The following ADK variants were observed in gnomAD, a reference collection of about 807,000 sequenced individuals.
ADK encodes adenosine kinase, also known as N6,N6-dimethyladenosine kinase.
ADK carries 24 observed loss-of-function variants against 44.7 expected under a neutral mutation model. The observed-to-expected ratio is 0.54, with a 90% confidence interval of 0.39 to 0.76. ADK has a LOEUF of 0.76. Ranked by LOEUF, ADK falls within the 30% of genes least tolerant of loss-of-function variation. The pLI is 0.00. For missense variants in ADK, 321 were observed against 425.1 expected (o/e 0.76, Z 2.15); for synonymous variants, 128 against 142.6 (o/e 0.90, Z 0.73).
chr10:74,508,717 C>CT (rs888958926), intron 6 of ADK, among the ~76,000 whole-genome samples: 2 of 152,080 alleles, frequency 1.3e-5, no homozygotes, highest in African/African-American at 4.8e-5. Flanking sequence ...TAGTTTCTCT[C>CT]TTTTTTTATT....
chr10:74,208,164 G>T (rs1843672584), intron 2 of ADK, among the ~76,000 whole-genome samples: 1 of 152,250 alleles, frequency 6.6e-6, no homozygotes, highest in African/African-American at 2.4e-5. Context: ...GAGTCTGCAG[G>T]GGAAAGGGGG....
At chr10:74,568,534 C>G (rs1850783657) in intron 7 of ADK, among the ~76,000 whole-genome samples, 1 of 151,530 alleles carries the variant, frequency 6.6e-6, no homozygotes, top group Admixed American at 6.6e-5. Context: ...GTCCACAGTG[C>G]AAAGCAAAAG....
intron 9 of ADK, among the ~76,000 whole-genome samples, chr10:74,623,720 C>CATATAT (rs149098919): frequency 5.4e-5 from 8 of 148,266 alleles, no homozygotes; most frequent in African/African-American, 1.7e-4. Context: ...GTATTCTAGG[C>CATATAT]ATATATATAT....
intron 3 of ADK, among the ~76,000 whole-genome samples, chr10:74,275,312 G>A (rs904116579): frequency 4.6e-5 from 7 of 152,150 alleles, no homozygotes; most frequent in African/African-American, 7.2e-5. Context: ...CTGCGCTGGG[G>A]TGGGGGACAC....
chr10:74,230,046 C>CTT (rs5786138), intron 3 of ADK, among the ~76,000 whole-genome samples: 6 of 116,184 alleles, frequency 5.2e-5, no homozygotes, highest in South Asian at 2.8e-4. Context: ...TTAAAAGAAT[C>CTT]TTTTTTTTTT....
At chr10:74,374,512 A>G (rs1020144258) in intron 4 of ADK, among the ~76,000 whole-genome samples, 2 of 152,138 alleles carry the variant, frequency 1.3e-5, no homozygotes, top group African/African-American at 4.8e-5. Context: ...ACTGGTGGAT[A>G]TGAGTTTTAC....
In ADK at chr10:74,569,527, A is replaced by G. The variant is rs1379245466; in HGVS notation, c.727-19755A>G. ...TTGATTTGCATTTCTCTGATGGCCA[A>G]TGATGATGAGCATTTTTTCATGTGT... is the stretch of plus-strand genomic sequence containing the variant. On this transcript the variant is annotated intron_variant, in intron 7 of 10. Transcript: ENST00000539909. Among the ~76,000 whole-genome samples the G allele has an allele frequency of 6.6e-5, 10 of 152,298 alleles. No homozygotes were observed. The East Asian group carries it at 7.7e-4, about 12-fold the overall frequency.
At chr10:74,206,863 T>C (rs1276392654) in intron 2 of ADK, among the ~76,000 whole-genome samples, 1 of 152,170 alleles carries the variant, frequency 6.6e-6, no homozygotes, top group Admixed American at 6.5e-5. Context: ...GGTGTCGCTT[T>C]TCCAGCCAGA....
intron 1 of ADK, among the ~76,000 whole-genome samples, chr10:74,191,472 G>A (rs1409062393): frequency 6.6e-6 from 1 of 151,806 alleles, no homozygotes; most frequent in African/African-American, 2.4e-5. Context: ...GGCTGGTCTC[G>A]AACTCTTGGG....
At chr10:74,666,091 A>G (rs755021997) in intron 9 of ADK, among the ~76,000 whole-genome samples, 2 of 152,228 alleles carry the variant, frequency 1.3e-5, no homozygotes, top group African/African-American at 4.8e-5. Context: ...TTATTGTTCA[A>G]TTAGATATTG....
chr10:74,482,387 A>G (rs981056428), intron 6 of ADK, among the ~76,000 whole-genome samples: 2 of 152,192 alleles, frequency 1.3e-5, no homozygotes, highest in Non-Finnish European at 2.9e-5. Context: ...TCATGATCCA[A>G]TCATCTCCCA....
intron 2 of ADK, among the ~76,000 whole-genome samples, chr10:74,208,446 A>G (rs1191521814): frequency 6.6e-6 from 1 of 152,218 alleles, no homozygotes; most frequent in Non-Finnish European, 1.5e-5. Context: ...TTTGTTTTAC[A>G]TGTTTTACTA....
At chr10:74,526,580 G>A (rs1849051255) in intron 7 of ADK, among the ~76,000 whole-genome samples, 2 of 152,078 alleles carry the variant, frequency 1.3e-5, no homozygotes, top group Admixed American at 1.3e-4. Flanking sequence ...ACTGCCATCT[G>A]CCTAGAATAA....
intron 10 of ADK, among the ~76,000 whole-genome samples, chr10:74,684,634 T>A (rs978403859): frequency 6.6e-6 from 1 of 152,138 alleles, no homozygotes; most frequent in African/African-American, 2.4e-5. Context: ...TAGCCGGGCA[T>A]GGTGGTGCAC....
intron 9 of ADK, 33 bp from the exon 10 acceptor site, chr10:74,670,150 A>G (rs746264497): frequency 4.6e-6 from 7 of 1,532,734 alleles, no homozygotes; most frequent in Non-Finnish European, 6.3e-6. Flanking sequence ...TACAAAGAGA[A>G]GTCATTCTGC....
intron 6 of ADK, among the ~76,000 whole-genome samples, chr10:74,428,700 G>T (rs555015292): frequency 6.6e-6 from 1 of 152,286 alleles, no homozygotes; most frequent in Non-Finnish European, 1.5e-5. Flanking sequence ...AATCATCAAT[G>T]GTTGTAACAT....
intron 3 of ADK, among the ~76,000 whole-genome samples, chr10:74,313,844 T>C (rs1005215217): frequency 1.3e-5 from 2 of 152,032 alleles, no homozygotes; most frequent in African/African-American, 4.8e-5. Context: ...TAATTTCTTA[T>C]ATTTTCTATC....
At chr10:74,454,596 A>G (rs1845878321) in intron 6 of ADK, among the ~76,000 whole-genome samples, 1 of 152,118 alleles carries the variant, frequency 6.6e-6, no homozygotes, top group Non-Finnish European at 1.5e-5. Flanking sequence ...GAGAGGAAAA[A>G]AAATATCTTT....
intron 9 of ADK, among the ~76,000 whole-genome samples, chr10:74,625,872 T>C (rs1243146134): frequency 6.6e-6 from 1 of 152,162 alleles, no homozygotes; most frequent in Non-Finnish European, 1.5e-5. Context: ...GAATTACCAC[T>C]AGATGGGATT....
Sources: allele counts gnomAD v4.1 joint callset (sites outside exome capture counted in the v4.1 genomes callset), GRCh38; gene constraint gnomAD v4.1.1; transcripts MANE v1.5; gene names NCBI Gene and HGNC (gene_info 2026-07-23, HGNC 2026-07-21).